The following CD84 variants were observed in gnomAD, a reference collection of about 807,000 sequenced individuals.
The protein encoded by CD84 is CD84 molecule.
CD84 carries 22 observed loss-of-function variants against 33.8 expected under a neutral mutation model. That is an observed-to-expected ratio of 0.65 (90% CI 0.46 to 0.93). The LOEUF (loss-of-function observed/expected upper bound fraction) is 0.93, where lower values mean the gene tolerates loss of function less well. CD84 is among the 40% of genes least tolerant of loss of function. The pLI is 0.00. For missense variants in CD84, 400 were observed against 397.6 expected (o/e 1.01, Z -0.05); for synonymous variants, 154 against 145.2 (o/e 1.06, Z -0.44).
intron 1 of CD84, among the ~76,000 whole-genome samples, chr1:160,573,386 TG>T (rs1192182692): frequency 6.6e-6 from 1 of 152,100 alleles, no homozygotes; most frequent in Non-Finnish European, 1.5e-5. Flanking sequence ...AGTGTACCCT[TG>T]GAGTCTGGGG....
In CD84 at chr1:160,546,822, C is replaced by A. The variant is rs1353231155; in HGVS notation, c.*1434G>T. On this transcript the variant is annotated 3_prime_UTR_variant, in exon 7 of 7. Coordinates refer to ENST00000368054, the MANE Select transcript of CD84 (RefSeq NM_003874.4). ...TGCTGGAATTGTCTCCTGAGCTACA[C>A]AAGAGCAGACATTATGCACATCTTC... 3 of 281,336 alleles carry A rather than the reference C, an allele frequency of 1.1e-5. No individual in the cohort carries two copies. The East Asian group carries it at 1.8e-4, about 17-fold the overall frequency. The allele number at this position is 281,336 out of a possible 1,614,324, so 17.4% of individuals were successfully genotyped here.
At chr1:160,575,006 C>T (rs1205866759) in intron 1 of CD84, among the ~76,000 whole-genome samples, 1 of 152,116 alleles carries the variant, frequency 6.6e-6, no homozygotes, top group Admixed American at 6.6e-5. Context: ...ATGTTAAAGT[C>T]AGCAAGTAGC....
intron 6 of CD84, among the ~76,000 whole-genome samples, chr1:160,548,669 T>A (rs1557967738): frequency 6.6e-6 from 1 of 152,170 alleles, no homozygotes; most frequent in Non-Finnish European, 1.5e-5. Context: ...GACCCCTAGT[T>A]TTTTTGTATC....
At chr1:160,574,454 C>G (rs1490973053) in intron 1 of CD84, among the ~76,000 whole-genome samples, 1 of 152,098 alleles carries the variant, frequency 6.6e-6, no homozygotes, top group Non-Finnish European at 1.5e-5. Flanking sequence ...AGCTAAATGA[C>G]CATGAATGTC....
intron 1 of CD84, among the ~76,000 whole-genome samples, chr1:160,566,575 AACAAG>A (rs1657340865): frequency 6.6e-6 from 1 of 152,206 alleles, no homozygotes; most frequent in Non-Finnish European, 1.5e-5. Flanking sequence ...TACTCTTTTA[AACAAG>A]ATACGAGGAG....
intron 1 of CD84, among the ~76,000 whole-genome samples, chr1:160,575,983 G>A (rs971786858): frequency 3.3e-5 from 5 of 152,146 alleles, no homozygotes; most frequent in Non-Finnish European, 5.9e-5. Context: ...TTGATAAGCA[G>A]TTTTACCCAT....
intron 5 of CD84, chr1:160,550,519 G>C: frequency 5.3e-6 from 3 of 566,422 alleles, no homozygotes; most frequent in Non-Finnish European, 6.7e-6. Flanking sequence ...GACCAGGAGG[G>C]GCATTCAAGG....
At chr1:160,553,549 G>C in intron 3 of CD84, 52 bp from the exon 4 acceptor site, 1 of 1,607,568 alleles carries the variant, frequency 6.2e-7, no homozygotes, top group Non-Finnish European at 8.5e-7. Flanking sequence ...AGGCCCAAGA[G>C]GCTGGGCAGG....
At chr1:160,553,849 G>C in intron 3 of CD84, 46 bp downstream of exon 3, 1 of 1,613,814 alleles carries the variant, frequency 6.2e-7, no homozygotes. Flanking sequence ...CAGCTCCTCA[G>C]AGTGATCTCT....
At position 160,570,165 on chromosome 1, in the gene CD84, A is replaced by G. The variant is rs562166842; in HGVS notation, c.47-4420T>C. ...ATAAAGAGGCATCTGCTAGAATTCA[A>G]TTGTTCATCAATATATTTTGAGTTT... On this transcript the variant is annotated intron_variant, in intron 1 of 6. Transcript: ENST00000368054. Among the ~76,000 whole-genome samples, 13 of 152,334 alleles carry G rather than the reference A, an allele frequency of 8.5e-5. No homozygotes were observed. The Middle Eastern group carries it at 0.01, about 120-fold the overall frequency.
intron 2 of CD84, among the ~76,000 whole-genome samples, chr1:160,558,136 G>A (rs912927171): frequency 2.6e-5 from 4 of 152,184 alleles, no homozygotes; most frequent in African/African-American, 9.6e-5. Context: ...AAAGCAACCA[G>A]ACTGATTCTT....
Position 160,546,901 on chromosome 1 carries a change from T to G in CD84, c.*1355A>C. The G allele has an allele frequency of 1.6e-5, 6 of 381,744 alleles. No homozygotes were observed. Among genetic ancestry groups the G allele is most frequent in the East Asian group, 3.7e-5 (1 of 26,748 alleles). The allele number at this position is 381,744 out of a possible 1,614,324, so 23.6% of individuals were successfully genotyped here. A position where few individuals can be genotyped will look rare whatever the true frequency, so the allele number is the denominator to read the frequency against. On this transcript the variant is annotated 3_prime_UTR_variant, in exon 7 of 7. Transcript: ENST00000368054. ...AGTGCTAATGGTAGTTGGTGCTAGA[T>G]GAGTCTATGGATTCATTTACTGGGA...
chr1:160,555,725 A>T (rs894951860), intron 2 of CD84, among the ~76,000 whole-genome samples: 5 of 152,178 alleles, frequency 3.3e-5, no homozygotes, highest in Non-Finnish European at 5.9e-5. Context: ...CACTGTAGCT[A>T]TGTGAGGAAG....
intron 1 of CD84, among the ~76,000 whole-genome samples, chr1:160,568,685 A>G (rs1264284753): frequency 1.3e-5 from 2 of 152,140 alleles, no homozygotes; most frequent in Admixed American, 6.5e-5. Context: ...CAGTGGAGTG[A>G]TCTTGGCTCA....
chr1:160,564,656 A>T (rs748660991), intron 2 of CD84, among the ~76,000 whole-genome samples: 5 of 152,200 alleles, frequency 3.3e-5, no homozygotes, highest in Non-Finnish European at 7.4e-5. Context: ...AAAATACCCA[A>T]CCTCAAAAAG....
intron 5 of CD84, among the ~76,000 whole-genome samples, chr1:160,550,358 C>A (rs904792408): frequency 6.6e-6 from 1 of 151,970 alleles, no homozygotes; most frequent in African/African-American, 2.4e-5. Flanking sequence ...CCCCTTGATT[C>A]CTTGCAGACT....
chr1:160,550,757 T>G (rs1294428928), intron 5 of CD84, 181 bp downstream of exon 5: 8 of 985,220 alleles, frequency 8.1e-6, no homozygotes, highest in Non-Finnish European at 9.6e-6. Flanking sequence ...ATGGGTCACG[T>G]TCCTGTCCTC....
rs941681468 is a variant in CD84, at chr1:160,546,896, C to T, written c.*1360G>A. On this transcript the variant is annotated 3_prime_UTR_variant, in exon 7 of 7. Transcript: ENST00000368054. ...AACATAGTGCTAATGGTAGTTGGTGCTAGATGAGTCTATGGATTCATTTAC... is the reference window on the plus strand; with the variant it reads ...AACATAGTGCTAATGGTAGTTGGTGTTAGATGAGTCTATGGATTCATTTAC... 7.9e-6 allele frequency: 3 copies of T among 379,064 alleles called. No individual in the cohort carries two copies. The highest frequency in any genetic ancestry group is 6.2e-5 in the African/African-American group (3 of 48,254). The allele number at this position is 379,064 out of a possible 1,614,324, so 23.5% of individuals were successfully genotyped here.
intron 2 of CD84, among the ~76,000 whole-genome samples, chr1:160,555,075 A>T (rs1050834121): frequency 6.6e-6 from 1 of 150,964 alleles, no homozygotes; most frequent in Admixed American, 6.6e-5. Context: ...AACTACATGA[A>T]ATAATCTTTT....
Sources: allele counts gnomAD v4.1 joint callset (sites outside exome capture counted in the v4.1 genomes callset), GRCh38; gene constraint gnomAD v4.1.1; transcripts MANE v1.5; gene names NCBI Gene and HGNC (gene_info 2026-07-23, HGNC 2026-07-21).